The following CLCN6 variants were observed in gnomAD, a reference collection of about 807,000 sequenced individuals.
CLCN6 encodes the protein Cl-/H+ antiporter 6, also known as H(+)/Cl(-) exchange transporter 6.
In CLCN6, 70 loss-of-function variants were observed where a neutral mutation model predicts 109.8. The ratio of observed to expected loss-of-function variants is 0.64; its 90% CI spans 0.53 to 0.78. The LOEUF (loss-of-function observed/expected upper bound fraction) is 0.78. Ranked by LOEUF, CLCN6 falls within the 30% of genes least tolerant of loss-of-function variation. CLCN6 has a pLI of 0.00. For missense variants in CLCN6, 984 were observed against 1,142.3 expected, an observed-to-expected ratio of 0.86 and a Z score of 2.00; for synonymous variants, 444 against 447.8, an observed-to-expected ratio of 0.99 and a Z score of 0.11.
In CLCN6 at chr1:11,819,336, G is replaced by A. The variant is rs1036306201; in HGVS notation, c.280-152G>A. The A allele has an allele frequency of 7.1e-5, 50 of 703,486 alleles. 1 individual carries two copies. In the East Asian group the frequency reaches 9.7e-4, roughly 14 times the overall value. 43.6% of individuals were successfully genotyped at this position (703,486 alleles called of 1,614,324 possible). On this transcript the variant is annotated intron_variant, in intron 4 of 22. Coordinates refer to ENST00000346436, the MANE Select transcript of CLCN6 (RefSeq NM_001286.5). ...TGGAGAAGGGATCTCCTCCTTCTGC[G>A]CTTTTCTGCTGTGCATTCACGTACT...
At chr1:11,836,462 A>C (rs929153097) in intron 18 of CLCN6, among the ~76,000 whole-genome samples, 1 of 152,202 alleles carries the variant, frequency 6.6e-6, no homozygotes, top group East Asian at 1.9e-4. Flanking sequence ...CAGCAACAGA[A>C]ATGGACTTCG....
chr1:11,833,432 G>A, intron 13 of CLCN6, 83 bp from the exon 14 acceptor site: 1 of 1,446,508 alleles, frequency 6.9e-7, no homozygotes, highest in Admixed American at 1.7e-5. Context: ...GCAGCCACCT[G>A]TTTTGGACCC....
Position 11,828,614 on chromosome 1 carries a change from A to G in CLCN6, c.1111A>G (p.Lys371Glu), listed in dbSNP as rs1644842410. The G allele has an allele frequency of 3.1e-6, 5 of 1,608,714 alleles. No individual in the cohort carries two copies. Among genetic ancestry groups the G allele is most frequent in the Non-Finnish European group, 4.2e-6 (5 of 1,177,436 alleles). The stretch of plus-strand genomic sequence containing the variant: ...TATGCGAAACGTGCACCCGAAACCT[A>G]AGCTCGTCAGGTATCTGCACAGTCG... ...YRMRNVHPKPKLVRVLESLLV... is the reference protein window; with the variant it reads ...YRMRNVHPKPELVRVLESLLV... Residue 371 changes from lysine (K) to glutamate (E), a missense_variant, in exon 12 of 23, where the codon AAG becomes GAG. Physicochemically the swap from Lys to Glu is moderately conservative, Grantham distance 56. Transcript: ENST00000346436.
intron 2 of CLCN6, among the ~76,000 whole-genome samples, chr1:11,810,424 G>A (rs911931619): frequency 2.0e-5 from 3 of 152,056 alleles, no homozygotes; most frequent in Admixed American, 2.0e-4. Flanking sequence ...AGAATTAAAG[G>A]CCTCCCCCAC....
chr1:11,827,063 A>C, intron 9 of CLCN6, 26 bp from the exon 10 acceptor site: 1 of 1,610,630 alleles, frequency 6.2e-7, no homozygotes, highest in Non-Finnish European at 8.5e-7. Context: ...TCTTTATTGG[A>C]TAACCCGTCT....
chr1:11,838,626 T>C lies in CLCN6; in HGVS notation c.2495T>C (p.Leu832Pro). The change falls in exon 22 of 23, where the codon CTG becomes CCG. Residue 832 changes from leucine to proline, a missense_variant. Physicochemically the swap from Leu to Pro is moderately conservative, Grantham distance 98. Transcript: ENST00000346436. Reference sequence around the variant, plus strand: ...TTCAACCTGTTCAGAACGATGGGCCTGCGCCACCTGCCCGTGGTGAACGCT... The same window carrying C: ...TTCAACCTGTTCAGAACGATGGGCCCGCGCCACCTGCCCGTGGTGAACGCT... ...QVFNLFRTMG[L>P]RHLPVVNAVG... is the part of the protein sequence containing the mutation. 3 of 1,614,222 alleles carry C rather than the reference T, an allele frequency of 1.9e-6. No individual in the cohort carries two copies. The highest frequency in any genetic ancestry group is 2.5e-6 in the Non-Finnish European group (3 of 1,180,042).
At chr1:11,829,363 G>A (rs1644852705) in intron 13 of CLCN6, 41 bp downstream of exon 13, 3 of 1,612,030 alleles carry the variant, frequency 1.9e-6, no homozygotes, top group African/African-American at 2.7e-5. Context: ...CATACCACGA[G>A]GAAGAATCCA....
chr1:11,831,558 A>G (rs751247136), intron 13 of CLCN6, among the ~76,000 whole-genome samples: 2 of 152,194 alleles, frequency 1.3e-5, no homozygotes, highest in Non-Finnish European at 2.9e-5. Flanking sequence ...TCTTTATGAA[A>G]AAGTTTGCCG....
Position 11,818,727 on chromosome 1 carries a change from A to C in CLCN6, c.280-761A>C, listed in dbSNP as rs79871593. On this transcript the variant is annotated intron_variant, in intron 4 of 22. Coordinates refer to ENST00000346436, the MANE Select transcript of CLCN6 (RefSeq NM_001286.5). ...CCCTGAGCACTTTGGAGAGTGGAAT[A>C]CTGGAATTTGGTTGTTTTCTCTACC... Among the ~76,000 whole-genome samples, 136 of 152,300 alleles carry C rather than the reference A, an allele frequency of 8.9e-4. 1 individual carries two copies. In the East Asian group the frequency reaches 0.025, roughly 28 times the overall value.
Position 11,806,267 on chromosome 1 carries a change from C to T in CLCN6, c.5C>T (p.Ala2Val), listed in dbSNP as rs1307955579. The T allele has an allele frequency of 2.0e-6, 3 of 1,466,096 alleles. No homozygotes were observed. Among genetic ancestry groups the T allele is most frequent in the Admixed American group, 2.9e-5 (1 of 34,186 alleles). 90.8% of individuals were successfully genotyped at this position (1,466,096 alleles called of 1,614,324 possible). Residue 2 changes from alanine to valine, a missense_variant, in exon 1 of 23, where the codon GCG becomes GTG. Physicochemically the swap from Ala to Val is moderately conservative, Grantham distance 64 (BLOSUM62 0). Transcript: ENST00000346436. ...GAGTGGCAGTAAAGGAGGAAGATGGCGGGGTGCAGGGGGTCTCTGTGCTGC... is the reference window on the plus strand; with the variant it reads ...GAGTGGCAGTAAAGGAGGAAGATGGTGGGGTGCAGGGGGTCTCTGTGCTGC... MAGCRGSLCCCC... is the reference protein window; with the variant it reads MVGCRGSLCCCC...
In CLCN6 at chr1:11,836,979, T is replaced by C. The variant is rs780458777; in HGVS notation, c.1981-20T>C. On this transcript the variant is annotated intron_variant, in intron 18 of 22. Coordinates refer to ENST00000346436, the MANE Select transcript of CLCN6 (RefSeq NM_001286.5). Reference sequence around the variant, plus strand: ...GTTCGTTTGCCCATGCGCAGTAGCCTGTGGCCTCCCCACCCACAGAAATCC... The same window carrying C: ...GTTCGTTTGCCCATGCGCAGTAGCCCGTGGCCTCCCCACCCACAGAAATCC... The C allele has an allele frequency of 6.2e-7, 1 of 1,605,374 alleles. No homozygotes were observed. Among genetic ancestry groups the C allele is most frequent in the Non-Finnish European group, 8.5e-7 (1 of 1,179,938 alleles).
intron 4 of CLCN6, among the ~76,000 whole-genome samples, chr1:11,817,875 G>T (rs551277235): frequency 6.9e-4 from 105 of 152,274 alleles, no homozygotes; most frequent in Non-Finnish European, 1.3e-3. Context: ...ATCTTACTAG[G>T]TAAGACTGAT....
At chr1:11,833,455 C>G in intron 13 of CLCN6, 60 bp from the exon 14 acceptor site, 1 of 1,578,770 alleles carries the variant, frequency 6.3e-7, no homozygotes, top group Non-Finnish European at 8.7e-7. Flanking sequence ...CTGGAGACAT[C>G]CCACTTGAAG....
intron 12 of CLCN6, among the ~76,000 whole-genome samples, chr1:11,828,887 C>T (rs1644846301): frequency 6.6e-6 from 1 of 152,200 alleles, no homozygotes; most frequent in African/African-American, 2.4e-5. Context: ...GAAGGGTCAC[C>T]GTGGCCCTGC....
chr1:11,839,501 A>C (rs1318621612), intron 22 of CLCN6, among the ~76,000 whole-genome samples: 1 of 152,146 alleles, frequency 6.6e-6, no homozygotes, highest in African/African-American at 2.4e-5. Flanking sequence ...AACTCAAGTG[A>C]TTCACCTGCC....
intron 2 of CLCN6, among the ~76,000 whole-genome samples, chr1:11,810,103 AT>A (rs1453524417): frequency 6.6e-6 from 1 of 152,212 alleles, no homozygotes; most frequent in Non-Finnish European, 1.5e-5. Context: ...GAATGGAGTT[AT>A]AGGGTTTTCT....
intron 8 of CLCN6, 149 bp from the exon 9 acceptor site, chr1:11,826,007 G>T (rs1327456206): frequency 2.5e-5 from 15 of 598,784 alleles, no homozygotes; most frequent in Non-Finnish European, 4.5e-5. Flanking sequence ...AAGCAGAGGG[G>T]CCTCCCCTGA....
Position 11,823,733 on chromosome 1 carries a change from CG to C in CLCN6, c.481del (p.Glu161ArgfsTer6). The C allele has an allele frequency of 6.2e-7, 1 of 1,614,234 alleles. No individual in the cohort carries two copies. The highest frequency in any genetic ancestry group is 8.5e-7 in the Non-Finnish European group (1 of 1,180,034). ...EPVAAGSGIP[E>X]VKCYLNGVKV... Reference sequence around the variant, plus strand: ...CGGTGGCAGCAGGTTCCGGGATACCCGAGGTCAAATGCTATCTGAATGGCGT... The same window carrying C: ...CGGTGGCAGCAGGTTCCGGGATACCCAGGTCAAATGCTATCTGAATGGCGT... On this transcript the variant is annotated frameshift_variant, in exon 7 of 23. Transcript: ENST00000346436. LOFTEE classifies it high-confidence loss of function.
In CLCN6 at chr1:11,807,216, C is replaced by T. The variant is rs373983779; in HGVS notation, c.147+26C>T. On this transcript the variant is annotated intron_variant, in intron 2 of 22. Transcript: ENST00000346436. ...GTGAGCTCCTTTGATACTGCTTGGGCAACTAAAGTAGTGAGTGGCCTGGTC... is the reference window on the plus strand; with the variant it reads ...GTGAGCTCCTTTGATACTGCTTGGGTAACTAAAGTAGTGAGTGGCCTGGTC... 1.1e-5 allele frequency: 17 copies of T among 1,603,722 alleles called. No homozygotes were observed. The African/African-American group carries it at 1.9e-4, about 18-fold the overall frequency.
Sources: allele counts gnomAD v4.1 joint callset (sites outside exome capture counted in the v4.1 genomes callset), GRCh38; gene constraint gnomAD v4.1.1; transcripts MANE v1.5; gene names NCBI Gene and HGNC (gene_info 2026-07-23, HGNC 2026-07-21).